The following ZC2HC1C variants were observed in gnomAD, a reference collection of about 807,000 sequenced individuals.
ZC2HC1C encodes the protein zinc finger C2HC-type containing 1C, also known as zinc finger C2HC domain-containing protein 1C.
In ZC2HC1C, 25 loss-of-function variants were observed where a neutral mutation model predicts 39.2. That is an observed-to-expected ratio of 0.64 (90% confidence interval 0.47 to 0.89). The LOEUF is 0.89. ZC2HC1C is among the 40% of genes least tolerant of loss of function. ZC2HC1C has a pLI of 0.00. For synonymous variants in ZC2HC1C, 209 were observed against 214.4 expected, an observed-to-expected ratio of 0.97 and a Z score of 0.22; for missense variants, 519 against 548.6, an observed-to-expected ratio of 0.95 and a Z score of 0.54.
Position 75,071,246 on chromosome 14 carries a change from G to A in ZC2HC1C, c.673G>A (p.Glu225Lys), listed in dbSNP as rs1192068353. The A allele has an allele frequency of 6.2e-7, 1 of 1,614,176 alleles. No individual in the cohort carries two copies. The highest frequency in any genetic ancestry group is 1.1e-5 in the South Asian group (1 of 91,086). Residue 225 changes from glutamate to lysine, a missense_variant, in exon 2 of 3, where the codon GAG (glutamate) becomes AAG (lysine). Glu to Lys is a moderately conservative substitution (Grantham distance 56). Transcript: ENST00000524913. ...AGAAGCTGCAGGGGAGAGCTTAGAGGAGGAAATCCGAAGAAAGCAGATTCT... is the reference window on the plus strand; with the variant it reads ...AGAAGCTGCAGGGGAGAGCTTAGAGAAGGAAATCCGAAGAAAGCAGATTCT... ...RLEAAGESLE[E>K]EIRRKQILLR...
At position 75,071,097 on chromosome 14, in the gene ZC2HC1C, C is replaced by T. The variant is rs755762214; in HGVS notation, c.524C>T (p.Ser175Phe). ...PRPPEPREFS[S>F]RNFGVRNQGN... ...CCCCCTGAGCCGAGAGAGTTTTCAT[C>T]TAGGAACTTTGGTGTGAGGAACCAG... The change falls in exon 2 of 3, where the codon TCT becomes TTT. Residue 175 changes from serine to phenylalanine, a missense_variant. Physicochemically the swap from Ser to Phe is radical, Grantham distance 155 (BLOSUM62 -2). Transcript: ENST00000524913. The T allele has an allele frequency of 6.2e-7, 1 of 1,614,200 alleles. No individual in the cohort carries two copies. The highest frequency in any genetic ancestry group is 8.5e-7 in the Non-Finnish European group (1 of 1,180,046).
rs143522970 is a variant in ZC2HC1C at position 75,074,725 on chromosome 14, C to T, written c.1339-2807C>T. 6.4e-3 allele frequency among the ~76,000 whole-genome samples: 970 copies of T among 152,274 alleles called. 6 individuals are homozygous for T. The highest frequency in any genetic ancestry group is 0.022 in the African/African-American group (934 of 41,552). ...TAGCTGGGCTTACAGGCGAGTGCCA[C>T]CACGCCCGGCTAATTTTTGTATTTT... On this transcript the variant is annotated intron_variant, in intron 2 of 2. Transcript: ENST00000524913.
chr14:75,071,881 C>G lies in ZC2HC1C; in HGVS notation c.1308C>G (p.Tyr436Ter). ...ARAKGTELEQ[Y>*]LNWKGPASAK... Reference sequence around the variant, plus strand: ...CTAAGGGCACAGAACTAGAGCAGTACTTGAACTGGAAGGGGCCAGCTTCAG... The same window carrying G: ...CTAAGGGCACAGAACTAGAGCAGTAGTTGAACTGGAAGGGGCCAGCTTCAG... The change falls in exon 2 of 3, where the codon TAC becomes TAG. Residue 436 changes from tyrosine (Y) to a stop codon, truncating the protein, a stop_gained. Transcript: ENST00000524913. LOFTEE classifies it high-confidence loss of function. 6.2e-7 allele frequency: 1 copy of G among 1,605,156 alleles called. No homozygotes were observed.
chr14:75,079,915 T>C lies in ZC2HC1C; in HGVS notation c.*2351T>C, dbSNP rs1893819714. ...AGAGAGAACAAATTGTTGTTATATG[T>C]GGGGAGTGCTTTCTAAAAAGGAAGC... is the stretch of plus-strand genomic sequence containing the variant. On this transcript the variant is annotated 3_prime_UTR_variant, in exon 3 of 3. Coordinates refer to ENST00000524913, the MANE Select transcript of ZC2HC1C (RefSeq NM_024643.4). 3 of 152,204 alleles carry C rather than the reference T, an allele frequency of 2.0e-5. No individual in the cohort carries two copies. Among genetic ancestry groups the C allele is most frequent in the African/African-American group, 7.2e-5 (3 of 41,452 alleles). The allele number at this position is 152,204 out of a possible 1,614,324, so 9.4% of individuals were successfully genotyped here. A position where few individuals can be genotyped will look rare whatever the true frequency, so the allele number is the denominator to read the frequency against.
At chr14:75,073,437 C>G (rs1169522754) in intron 2 of ZC2HC1C, 1 of 439,818 alleles carries the variant, frequency 2.3e-6, no homozygotes, top group Non-Finnish European at 4.0e-6. Flanking sequence ...TAATTAGGTT[C>G]CTGAGATCAG....
intron 2 of ZC2HC1C, 68 bp downstream of exon 2, chr14:75,071,979 G>C: frequency 6.0e-6 from 9 of 1,502,802 alleles, no homozygotes; most frequent in Non-Finnish European, 8.0e-6. Flanking sequence ...GTCATCATCA[G>C]TTTTCTTTAG....
At position 75,070,956 on chromosome 14, in the gene ZC2HC1C, T is replaced by G; in HGVS notation, c.383T>G (p.Phe128Cys). 6.2e-7 allele frequency: 1 copy of G among 1,614,130 alleles called. No homozygotes were observed. The highest frequency in any genetic ancestry group is 8.5e-7 in the Non-Finnish European group (1 of 1,180,026). Residue 128 changes from phenylalanine to cysteine, a missense_variant, in exon 2 of 3, where the codon TTT becomes TGT. Physicochemically the swap from Phe to Cys is radical, Grantham distance 205 (BLOSUM62 -2). Transcript: ENST00000524913. ...PKANNQDFIP[F>C]TKKRVGVDRA... is the part of the protein sequence containing the mutation. ...GCCAATAACCAGGACTTTATCCCCTTTACAAAGAAACGAGTTGGAGTGGAC... is the reference window on the plus strand; with the variant it reads ...GCCAATAACCAGGACTTTATCCCCTGTACAAAGAAACGAGTTGGAGTGGAC...
chr14:75,071,765 T>C lies in ZC2HC1C; in HGVS notation c.1192T>C (p.Phe398Leu). The C allele has an allele frequency of 1.2e-6, 2 of 1,614,148 alleles. No individual in the cohort carries two copies. The highest frequency in any genetic ancestry group is 2.7e-5 in the African/African-American group (2 of 75,032). Residue 398 changes from phenylalanine to leucine, a missense_variant, in exon 2 of 3, where the codon TTC becomes CTC. Coordinates refer to ENST00000524913, the MANE Select transcript of ZC2HC1C (RefSeq NM_024643.4). ...LGECSHCGRKFLSFRLERHSN... is the reference protein window; with the variant it reads ...LGECSHCGRKLLSFRLERHSN... Reference sequence around the variant, plus strand: ...TGAGTGCAGCCACTGTGGGCGCAAATTCCTCTCGTTCAGGCTGGAGAGACA... The same window carrying C: ...TGAGTGCAGCCACTGTGGGCGCAAACTCCTCTCGTTCAGGCTGGAGAGACA...
intron 2 of ZC2HC1C, chr14:75,073,565 C>A (rs1359743271): frequency 1.2e-5 from 15 of 1,289,200 alleles, no homozygotes; most frequent in Non-Finnish European, 1.5e-5. Context: ...AAATCTTATT[C>A]CACAGTGCTG....
rs1893421586 is a variant in ZC2HC1C, at chr14:75,071,638, A to G, written c.1065A>G (p.Glu355=). 1 of 1,614,200 alleles carries G rather than the reference A, an allele frequency of 6.2e-7. No homozygotes were observed. The highest frequency in any genetic ancestry group is 1.1e-5 in the South Asian group (1 of 91,082). Residue 355 remains glutamate (E), a synonymous_variant, in exon 2 of 3, where the codon GAA becomes GAG. Transcript: ENST00000524913. The stretch of plus-strand genomic sequence containing the variant: ...TGGAGAAATTCTCCCCGCCTTCAGA[A>G]ACACCAGTCGGTGCTTTGCAGGGAT... ...PSVEKFSPPS[E]TPVGALQGSA... is the part of the protein sequence containing the mutation.
In ZC2HC1C at chr14:75,079,307, G is replaced by A. The variant is rs1370727224; in HGVS notation, c.*1743G>A. On this transcript the variant is annotated 3_prime_UTR_variant, in exon 3 of 3. Transcript: ENST00000524913. The stretch of plus-strand genomic sequence containing the variant: ...TAAGGCTTTAGCGGTGAAGCTGCAG[G>A]ACACAGGCTGGGAAAAAATCCTATA... The A allele has an allele frequency of 1.3e-5, 2 of 151,772 alleles. No homozygotes were observed. The highest frequency in any genetic ancestry group is 4.8e-5 in the African/African-American group (2 of 41,312). 9.4% of individuals were successfully genotyped at this position (151,772 alleles called of 1,614,324 possible). A position where few individuals can be genotyped will look rare whatever the true frequency, so the allele number is the denominator to read the frequency against.
In ZC2HC1C at chr14:75,079,831, C is replaced by G. The variant is rs1893816619; in HGVS notation, c.*2267C>G. 1 of 152,136 alleles carries G rather than the reference C, an allele frequency of 6.6e-6. No individual in the cohort carries two copies. The highest frequency in any genetic ancestry group is 2.4e-5 in the African/African-American group (1 of 41,412). The allele number at this position is 152,136 out of a possible 1,614,324, so 9.4% of individuals were successfully genotyped here. A position where few individuals can be genotyped will look rare whatever the true frequency, so the allele number is the denominator to read the frequency against. ...CTTCTTTACCTTATCTGCCTGGTAC[C>G]ACAGGCACTTGGATTTGGGATCGCT... On this transcript the variant is annotated 3_prime_UTR_variant, in exon 3 of 3. Coordinates refer to ENST00000524913, the MANE Select transcript of ZC2HC1C (RefSeq NM_024643.4).
intron 2 of ZC2HC1C, among the ~76,000 whole-genome samples, chr14:75,072,185 G>A (rs1463112718): frequency 1.3e-5 from 2 of 152,010 alleles, no homozygotes; most frequent in Non-Finnish European, 2.9e-5. Flanking sequence ...TGGCAGAGTC[G>A]GCATATAAAT....
In ZC2HC1C at chr14:75,071,276, A is replaced by G; in HGVS notation, c.703A>G (p.Arg235Gly). The G allele has an allele frequency of 6.2e-7, 1 of 1,614,154 alleles. No homozygotes were observed. The highest frequency in any genetic ancestry group is 8.5e-7 in the Non-Finnish European group (1 of 1,180,020). Residue 235 changes from arginine (R) to glycine (G), a missense_variant, in exon 2 of 3, where the codon AGG (arginine) becomes GGG (glycine). Transcript: ENST00000524913. Reference protein sequence around the residue: ...EEIRRKQILLRGKLKKTEEEL... With the variant: ...EEIRRKQILLGGKLKKTEEEL... ...AATCCGAAGAAAGCAGATTCTCCTG[A>G]GGGGAAAGCTGAAGAAGACAGAGGA...
At position 75,073,750 on chromosome 14, in the gene ZC2HC1C, T is replaced by C. The variant is rs191529499; in HGVS notation, c.1338+1839T>C. 8 of 521,508 alleles carry C rather than the reference T, an allele frequency of 1.5e-5. 1 individual carries two copies. Among genetic ancestry groups the C allele is most frequent in the Admixed American group, 8.2e-5 (3 of 36,400 alleles). The allele number at this position is 521,508 out of a possible 1,614,324, so 32.3% of individuals were successfully genotyped here. A position where few individuals can be genotyped will look rare whatever the true frequency, so the allele number is the denominator to read the frequency against. Reference sequence around the variant, plus strand: ...AGGGAACATATTTTGTGCTTTGTGCTTAATAAGTGTTAACTGAATAGAATT... The same window carrying C: ...AGGGAACATATTTTGTGCTTTGTGCCTAATAAGTGTTAACTGAATAGAATT... On this transcript the variant is annotated intron_variant, in intron 2 of 2. Transcript: ENST00000524913.
At chr14:75,076,303 C>G (rs1035530437) in intron 2 of ZC2HC1C, among the ~76,000 whole-genome samples, 4 of 152,092 alleles carry the variant, frequency 2.6e-5, no homozygotes, top group Non-Finnish European at 5.9e-5. Context: ...GGGTCTTGCT[C>G]TGTCGCCCAG....
chr14:75,071,547 G>A lies in ZC2HC1C; in HGVS notation c.974G>A (p.Arg325Lys). 2 of 1,614,142 alleles carry A rather than the reference G, an allele frequency of 1.2e-6. No individual in the cohort carries two copies. The highest frequency in any genetic ancestry group is 1.6e-4 in the Middle Eastern group (1 of 6,062). Residue 325 changes from arginine to lysine, a missense_variant, in exon 2 of 3, where the codon AGG becomes AAG. Arg to Lys is a conservative substitution (Grantham distance 26). Coordinates refer to ENST00000524913, the MANE Select transcript of ZC2HC1C (RefSeq NM_024643.4). The part of the protein sequence containing the change: ...PFQFSDYRIQ[R>K]LKRERLVASN... ...CAGTTCTCTGATTATAGAATCCAGA[G>A]GCTCAAAAGGGAAAGGCTGGTAGCA...
intron 2 of ZC2HC1C, chr14:75,073,766 G>T: frequency 1.4e-5 from 6 of 426,126 alleles, no homozygotes; most frequent in Non-Finnish European, 2.5e-5. Flanking sequence ...AGTGTTAACT[G>T]AATAGAATTT....
At chr14:75,072,112 C>T (rs1893455097) in intron 2 of ZC2HC1C, among the ~76,000 whole-genome samples, 1 of 152,204 alleles carries the variant, frequency 6.6e-6, no homozygotes, top group Non-Finnish European at 1.5e-5. Flanking sequence ...CTCATTGTAT[C>T]AGTTCAAAAA....
Sources: allele counts gnomAD v4.1 joint callset (sites outside exome capture counted in the v4.1 genomes callset), GRCh38; gene constraint gnomAD v4.1.1; transcripts MANE v1.5; gene names NCBI Gene and HGNC (gene_info 2026-07-23, HGNC 2026-07-21).